KIF21A: variants seen among roughly 807,000 people sequenced by gnomAD.
KIF21A encodes kinesin-like protein KIF21A.
A neutral mutation model predicts 202.9 loss-of-function variants in KIF21A; 114 were observed. That is an observed-to-expected ratio of 0.56 (90% CI 0.48 to 0.66). The LOEUF (loss-of-function observed/expected upper bound fraction) is 0.66. KIF21A is among the 30% of genes least tolerant of loss of function. The pLI, the probability that KIF21A is intolerant of heterozygous loss-of-function variation, is 0.00. For synonymous variants in KIF21A, 667 were observed against 670.8 expected, an observed-to-expected ratio of 0.99 and a Z score of 0.09; for missense variants, 1,677 against 1,994.9, an observed-to-expected ratio of 0.84 and a Z score of 3.04.
rs1362336549 is a variant in KIF21A at position 39,303,090 on chromosome 12, G to A, written c.4606C>T (p.His1536Tyr). 1 of 1,613,780 alleles carries A rather than the reference G, an allele frequency of 6.2e-7. No homozygotes were observed. Among genetic ancestry groups the A allele is most frequent in the Non-Finnish European group, 8.5e-7 (1 of 1,179,860 alleles). The change falls in exon 36 of 38, where the codon CAC (histidine) becomes TAC (tyrosine). Residue 1536 changes from histidine to tyrosine, a missense_variant. Coordinates refer to ENST00000361418, the MANE Select transcript of KIF21A (RefSeq NM_001173464.2). Reference sequence around the variant, plus strand: ...TCATAATGAGGGGGTTCAAAATTGTGGGTGGGACTCACAGTCCCAAGAGCT... The same window carrying A: ...TCATAATGAGGGGGTTCAAAATTGTAGGTGGGACTCACAGTCCCAAGAGCT... ...EGALGTVSPTHNFEPPHYDGI... is the reference protein window; with the variant it reads ...EGALGTVSPTYNFEPPHYDGI...
intron 34 of KIF21A, among the ~76,000 whole-genome samples, chr12:39,306,612 G>C (rs1565658942): frequency 6.6e-6 from 1 of 151,940 alleles, no homozygotes; most frequent in Non-Finnish European, 1.5e-5. Flanking sequence ...TTTACCACTG[G>C]CAAATCCCTT....
At position 39,377,124 on chromosome 12, in the gene KIF21A, C is replaced by T. The variant is rs938348390; in HGVS notation, c.45-6863G>A. 3.3e-5 allele frequency among the ~76,000 whole-genome samples: 5 copies of T among 152,076 alleles called. No individual in the cohort carries two copies. In the South Asian group the frequency reaches 6.2e-4, roughly 19 times the overall value. The stretch of plus-strand genomic sequence containing the variant: ...TTATTCAATAATCTGACCTGATTCC[C>T]GCTTTGTGTAGTTCTTTTACTTACA... On this transcript the variant is annotated intron_variant, in intron 1 of 37. Coordinates refer to ENST00000361418, the MANE Select transcript of KIF21A (RefSeq NM_001173464.2).
At chr12:39,339,957 G>A (rs1475961460) in intron 16 of KIF21A, among the ~76,000 whole-genome samples, 1 of 152,122 alleles carries the variant, frequency 6.6e-6, no homozygotes, top group Non-Finnish European at 1.5e-5. Flanking sequence ...GCCCTGATGA[G>A]CACATGATTT....
At chr12:39,413,688 C>T (rs925500918) in intron 1 of KIF21A, among the ~76,000 whole-genome samples, 3 of 152,114 alleles carry the variant, frequency 2.0e-5, no homozygotes, top group Non-Finnish European at 4.4e-5. Flanking sequence ...TGAGGAAGAT[C>T]GCTTGAACCC....
At chr12:39,321,433 G>C (rs912942410) in intron 27 of KIF21A, 2 of 152,114 alleles carry the variant, frequency 1.3e-5, no homozygotes, top group East Asian at 3.9e-4. Flanking sequence ...AACACATTTA[G>C]TTCCTAAAAT....
intron 10 of KIF21A, among the ~76,000 whole-genome samples, chr12:39,352,841 A>C (rs1948497518): frequency 6.6e-6 from 1 of 152,178 alleles, no homozygotes; most frequent in Non-Finnish European, 1.5e-5. Flanking sequence ...ATCCTCACAC[A>C]TGAAGACATC....
chr12:39,403,512 G>T (rs1248054076), intron 1 of KIF21A, among the ~76,000 whole-genome samples: 2 of 152,192 alleles, frequency 1.3e-5, no homozygotes, highest in Non-Finnish European at 2.9e-5. Context: ...ATGAGTCTAG[G>T]AGTCAAGACT....
chr12:39,426,881 TAAAAAAAAAAAAA>T (rs10718392), intron 1 of KIF21A, among the ~76,000 whole-genome samples: 164 of 133,004 alleles, frequency 1.2e-3, no homozygotes, highest in African/African-American at 4.1e-3. Flanking sequence ...GAGACTCTGT[TAAAAAAAAAAAAA>T]AAAAGAAAAG....
At chr12:39,380,884 A>G (rs1950567461) in intron 1 of KIF21A, among the ~76,000 whole-genome samples, 1 of 152,182 alleles carries the variant, frequency 6.6e-6, no homozygotes, top group African/African-American at 2.4e-5. Context: ...TTTTCTTATT[A>G]CATTCCTATA....
chr12:39,370,404 T>C, intron 1 of KIF21A, 143 bp from the exon 2 acceptor site: 1 of 647,486 alleles, frequency 1.5e-6, no homozygotes, highest in Non-Finnish European at 2.7e-6. Flanking sequence ...AAAGTTTAAA[T>C]AAATTGAATT....
rs1166636549 is a variant in KIF21A, at chr12:39,307,559, A to T, written c.4442+6T>A. 6.2e-7 allele frequency: 1 copy of T among 1,613,286 alleles called. No homozygotes were observed. Among genetic ancestry groups the T allele is most frequent in the African/African-American group, 1.3e-5 (1 of 74,920 alleles). On this transcript the variant is annotated splice_donor_region_variant and intron_variant, in intron 34 of 37. Transcript: ENST00000361418. ...GCAAGAGGTATGTTTTCTTAAAAAT[A>T]TCTACCTTTTAAGATCCCACATCCT...
rs1464511777 is a variant in KIF21A, at chr12:39,358,223, A to G, written c.1170T>C (p.Arg390=). 5.6e-6 allele frequency: 9 copies of G among 1,614,088 alleles called. No individual in the cohort carries two copies. The highest frequency in any genetic ancestry group is 6.8e-6 in the Non-Finnish European group (8 of 1,179,980). ...CCATCTGAAGTCGTGTGATTTCACT[A>G]CGAAGTGCATTGATTTGCTGACTAG... The part of the protein sequence containing the change: ...DRASQQINAL[R]SEITRLQMEL... Residue 390 remains arginine, a synonymous_variant, in exon 8 of 38, where the codon CGT becomes CGC. Transcript: ENST00000361418.
intron 1 of KIF21A, among the ~76,000 whole-genome samples, chr12:39,420,394 A>G (rs1256602473): frequency 6.6e-6 from 1 of 152,210 alleles, no homozygotes. Flanking sequence ...AGGAGGCTTT[A>G]CAAAGAACCC....
chr12:39,302,382 C>T (rs1201824834), intron 36 of KIF21A, among the ~76,000 whole-genome samples: 1 of 152,106 alleles, frequency 6.6e-6, no homozygotes, highest in Non-Finnish European at 1.5e-5. Context: ...GCAACTACGA[C>T]ATATAAATAC....
At chr12:39,398,844 G>A (rs1351376972) in intron 1 of KIF21A, among the ~76,000 whole-genome samples, 2 of 152,116 alleles carry the variant, frequency 1.3e-5, no homozygotes, top group African/African-American at 2.4e-5. Context: ...TTCCACATCT[G>A]TGGATTCAAC....
At chr12:39,361,752 C>T (rs987608531) in intron 7 of KIF21A, among the ~76,000 whole-genome samples, 1 of 152,056 alleles carries the variant, frequency 6.6e-6, no homozygotes, top group African/African-American at 2.4e-5. Flanking sequence ...ATGATCTGCC[C>T]GCCTTGGCCT....
chr12:39,294,325 G>A lies in KIF21A; in HGVS notation c.*99C>T, dbSNP rs933110083. 14 of 839,572 alleles carry A rather than the reference G, an allele frequency of 1.7e-5. No individual in the cohort carries two copies. The Admixed American group carries it at 2.0e-4, about 12-fold the overall frequency. 52.0% of individuals were successfully genotyped at this position (839,572 alleles called of 1,614,324 possible). ...TTCAGATATATTTTCCAGTTAATCC[G>A]ATTCATACGTTTTGCCTAGTAAGTA... On this transcript the variant is annotated 3_prime_UTR_variant, in exon 38 of 38. Coordinates refer to ENST00000361418, the MANE Select transcript of KIF21A (RefSeq NM_001173464.2).
At chr12:39,313,412 G>T (rs972017643) in intron 31 of KIF21A, among the ~76,000 whole-genome samples, 1 of 151,790 alleles carries the variant, frequency 6.6e-6, no homozygotes, top group Admixed American at 6.6e-5. Context: ...AGGGTTAATG[G>T]ATACCAATTT....
In KIF21A at chr12:39,333,302, G is replaced by A. The variant is rs377435262; in HGVS notation, c.2419-22C>T. 690 of 1,446,628 alleles carry A rather than the reference G, an allele frequency of 4.8e-4. 1 individual carries two copies. The highest frequency in any genetic ancestry group is 2.2e-3 in the Admixed American group (132 of 59,744). The allele number at this position is 1,446,628 out of a possible 1,614,324, so 89.6% of individuals were successfully genotyped here. A position where few individuals can be genotyped will look rare whatever the true frequency, so the allele number is the denominator to read the frequency against. ...GATGCTATAAAATAATATTAAATAA[G>A]TGGAAATAGTAAAGTGAAAGATACA... On this transcript the variant is annotated intron_variant, in intron 17 of 37. Coordinates refer to ENST00000361418, the MANE Select transcript of KIF21A (RefSeq NM_001173464.2).
Sources: allele counts gnomAD v4.1 joint callset (sites outside exome capture counted in the v4.1 genomes callset), GRCh38; gene constraint gnomAD v4.1.1; transcripts MANE v1.5; gene names NCBI Gene and HGNC (gene_info 2026-07-23, HGNC 2026-07-21).